The following ROBO1 variants were observed in gnomAD, a reference collection of about 807,000 sequenced individuals.
ROBO1 encodes the protein roundabout guidance receptor 1.
ROBO1 carries 149 observed loss-of-function variants against 195.9 expected under a neutral mutation model. That is an observed-to-expected ratio of 0.76 (90% confidence interval 0.67 to 0.87). ROBO1 has a LOEUF of 0.87. ROBO1 is among the 40% of genes least tolerant of loss of function. The pLI, the probability that ROBO1 is intolerant of heterozygous loss-of-function variation, is 0.00. For missense variants in ROBO1, 1,933 were observed against 2,068.3 expected, an observed-to-expected ratio of 0.93 and a Z score of 1.27; for synonymous variants, 816 against 733.2, an observed-to-expected ratio of 1.11 and a Z score of -1.82.
At chr3:79,504,543 G>A (rs1463171853) in intron 2 of ROBO1, among the ~76,000 whole-genome samples, 5 of 152,210 alleles carry the variant, frequency 3.3e-5, no homozygotes, top group Middle Eastern at 3.4e-3. Context: ...AATACATGAT[G>A]TCCGCATTTT....
At chr3:79,060,381 G>T (rs2078894270) in intron 3 of ROBO1, among the ~76,000 whole-genome samples, 1 of 151,842 alleles carries the variant, frequency 6.6e-6, no homozygotes, top group Non-Finnish European at 1.5e-5. Flanking sequence ...CTCCCTATTT[G>T]TACACCCCTC....
rs74617675 is a variant in ROBO1 at position 79,140,950 on chromosome 3, C to T, written c.89-15411G>A. Reference sequence around the variant, plus strand: ...ACTGCAGAACTTAGTTGCCTAATTGCCTGGTTGCTTTGTGCTGATAAAGAT... The same window carrying T: ...ACTGCAGAACTTAGTTGCCTAATTGTCTGGTTGCTTTGTGCTGATAAAGAT... On this transcript the variant is annotated intron_variant, in intron 2 of 30. Transcript: ENST00000464233. Among the ~76,000 whole-genome samples, 664 of 152,232 alleles carry T rather than the reference C, an allele frequency of 4.4e-3. 5 individuals carry two copies. The highest frequency in any genetic ancestry group is 0.015 in the African/African-American group (637 of 41,522).
intron 4 of ROBO1, among the ~76,000 whole-genome samples, chr3:78,873,490 G>A (rs955458589): frequency 7.9e-5 from 12 of 151,988 alleles, no homozygotes; most frequent in Non-Finnish European, 1.3e-4. Flanking sequence ...GTGTATGAAC[G>A]TGTTTAATTA....
chr3:79,053,525 T>TC (rs1201042510), intron 3 of ROBO1, among the ~76,000 whole-genome samples: 3 of 151,942 alleles, frequency 2.0e-5, no homozygotes, highest in East Asian at 2.0e-4. Flanking sequence ...CTACAGGCCC[T>TC]CCCCCATCCA....
intron 4 of ROBO1, among the ~76,000 whole-genome samples, chr3:78,765,624 T>A (rs2083210977): frequency 6.6e-6 from 1 of 152,126 alleles, no homozygotes; most frequent in Admixed American, 6.6e-5. Flanking sequence ...AGCACTAATA[T>A]CTAACAGGCT....
At chr3:78,818,034 T>C (rs1475358696) in intron 4 of ROBO1, among the ~76,000 whole-genome samples, 1 of 152,170 alleles carries the variant, frequency 6.6e-6, no homozygotes, top group Non-Finnish European at 1.5e-5. Flanking sequence ...CCAAAACCAC[T>C]TGAACAGCTA....
Position 78,606,919 on chromosome 3 carries a change from T to G in ROBO1, c.4558A>C (p.Arg1520=), listed in dbSNP as rs1395096815. ...CTGCTTCCTTTTCTGTCTGATGATC[T>G]GTCTGTTCTTGCATCCATAGAAGGG... is the stretch of plus-strand genomic sequence containing the variant. ...KLPSMDARTD[R]SSDRKGSSYK... The change falls in exon 29 of 31, where the codon AGA becomes CGA. Residue 1520 remains arginine, a synonymous_variant. Coordinates refer to ENST00000464233, the MANE Select transcript of ROBO1 (RefSeq NM_002941.4). 6.2e-7 allele frequency: 1 copy of G among 1,613,976 alleles called. No individual in the cohort carries two copies. Among genetic ancestry groups the G allele is most frequent in the East Asian group, 2.2e-5 (1 of 44,874 alleles).
At chr3:79,518,531 C>T (rs1019675200) in intron 2 of ROBO1, among the ~76,000 whole-genome samples, 1 of 151,908 alleles carries the variant, frequency 6.6e-6, no homozygotes, top group Non-Finnish European at 1.5e-5. Context: ...TAGAATTGTC[C>T]GTGAAACAAC....
chr3:79,160,863 C>T (rs1173772431), intron 2 of ROBO1, among the ~76,000 whole-genome samples: 1 of 151,962 alleles, frequency 6.6e-6, no homozygotes, highest in African/African-American at 2.4e-5. Context: ...AGCCTCACCC[C>T]CCCAACCTCA....
chr3:79,391,610 T>A (rs1192068638), intron 2 of ROBO1, among the ~76,000 whole-genome samples: 3 of 152,116 alleles, frequency 2.0e-5, no homozygotes, highest in Non-Finnish European at 4.4e-5. Flanking sequence ...TGTGAAATTT[T>A]CAGTATAACA....
chr3:79,306,292 AC>A (rs1336664037), intron 2 of ROBO1, among the ~76,000 whole-genome samples: 1 of 152,238 alleles, frequency 6.6e-6, no homozygotes, highest in Non-Finnish European at 1.5e-5. Flanking sequence ...TGATAAAGAA[AC>A]AAAATAAATA....
chr3:79,177,240 C>T lies in ROBO1; in HGVS notation c.89-51701G>A, dbSNP rs551768636. On this transcript the variant is annotated intron_variant, in intron 2 of 30. Transcript: ENST00000464233. Reference sequence around the variant, plus strand: ...GAATAATAAACTTACGTTTCAAAGACAGTGCAAATACAGGGTTGTGTCCAC... The same window carrying T: ...GAATAATAAACTTACGTTTCAAAGATAGTGCAAATACAGGGTTGTGTCCAC... 2.0e-5 allele frequency among the ~76,000 whole-genome samples: 3 copies of T among 152,324 alleles called. No individual in the cohort carries two copies. In the South Asian group the frequency reaches 6.2e-4, roughly 32 times the overall value.
intron 2 of ROBO1, among the ~76,000 whole-genome samples, chr3:79,474,659 G>T (rs1938455426): frequency 6.6e-6 from 1 of 151,932 alleles, no homozygotes; most frequent in African/African-American, 2.4e-5. Context: ...TGCTAAACTA[G>T]ATTTAGGAAA....
intron 1 of ROBO1, among the ~76,000 whole-genome samples, chr3:79,660,759 T>C (rs1416642975): frequency 6.6e-6 from 1 of 152,048 alleles, no homozygotes; most frequent in African/African-American, 2.4e-5. Flanking sequence ...GGTATTCTAA[T>C]ACCCAAATGG....
Position 78,947,096 on chromosome 3 carries a change from C to A in ROBO1, c.173-8169G>T, listed in dbSNP as rs565783201. Among the ~76,000 whole-genome samples, 8 of 150,444 alleles carry A rather than the reference C, an allele frequency of 5.3e-5. No individual in the cohort carries two copies. In the East Asian group the frequency reaches 1.2e-3, roughly 22 times the overall value. On this transcript the variant is annotated intron_variant, in intron 3 of 30. Transcript: ENST00000464233. ...ATGGGAGATTTTAACACCCCACTAT[C>A]AACATTAGACAGATCAACAAGACAG...
intron 10 of ROBO1, among the ~76,000 whole-genome samples, chr3:78,681,205 G>A (rs1178399224): frequency 6.6e-6 from 1 of 151,720 alleles, no homozygotes; most frequent in African/African-American, 2.4e-5. Context: ...AGTGGGGAGG[G>A]ATAGCATTAG....
intron 2 of ROBO1, among the ~76,000 whole-genome samples, chr3:79,182,796 T>C (rs1390291475): frequency 1.3e-5 from 2 of 152,094 alleles, no homozygotes; most frequent in Non-Finnish European, 2.9e-5. Context: ...TTAAGATACA[T>C]AGGCCGGGTG....
intron 2 of ROBO1, among the ~76,000 whole-genome samples, chr3:79,249,380 C>T (rs1354442326): frequency 6.6e-6 from 1 of 152,174 alleles, no homozygotes; most frequent in African/African-American, 2.4e-5. Context: ...GGTTTCAAAA[C>T]TCTCTCAATT....
rs530616912 is a variant in ROBO1 at position 78,621,751 on chromosome 3, C to T, written c.3876-3710G>A. Among the ~76,000 whole-genome samples, 17 of 152,222 alleles carry T rather than the reference C, an allele frequency of 1.1e-4. 1 individual carries two copies. In the South Asian group the frequency reaches 3.1e-3, roughly 28 times the overall value. The stretch of plus-strand genomic sequence containing the variant: ...AATGTATAAGTATATGACTGTGTAT[C>T]GCAACACTCTAGTCTCCTGCAAGAA... On this transcript the variant is annotated intron_variant, in intron 26 of 30. Coordinates refer to ENST00000464233, the MANE Select transcript of ROBO1 (RefSeq NM_002941.4).
Sources: allele counts gnomAD v4.1 joint callset (sites outside exome capture counted in the v4.1 genomes callset), GRCh38; gene constraint gnomAD v4.1.1; transcripts MANE v1.5; gene names NCBI Gene and HGNC (gene_info 2026-07-23, HGNC 2026-07-21).